The following DPP10 variants were observed in gnomAD, a reference collection of about 807,000 sequenced individuals.
DPP10 encodes inactive dipeptidyl peptidase 10.
DPP10 carries 33 observed loss-of-function variants against 120.9 expected under a neutral mutation model. The ratio of observed to expected loss-of-function variants is 0.27; its 90% CI spans 0.21 to 0.37. The LOEUF is 0.37. Among genes scored for constraint, DPP10 ranks in the 10% least tolerant of loss-of-function variants. The probability of loss-of-function intolerance (pLI) is 1.00; values close to 1 mark genes in which losing one functional copy is unlikely to be tolerated. For missense variants in DPP10, 816 were observed against 942.8 expected, an observed-to-expected ratio of 0.87 and a Z score of 1.76; for synonymous variants, 337 against 326.1, an observed-to-expected ratio of 1.03 and a Z score of -0.36.
At chr2:115,194,801 T>A (rs1328687615) in intron 1 of DPP10, among the ~76,000 whole-genome samples, 1 of 152,176 alleles carries the variant, frequency 6.6e-6, no homozygotes. Flanking sequence ...TGAGTGATGT[T>A]TAACATAACA....
At chr2:115,225,506 TGTGTGC>T (rs1372644691) in intron 1 of DPP10, among the ~76,000 whole-genome samples, 2 of 151,072 alleles carry the variant, frequency 1.3e-5, no homozygotes, top group African/African-American at 4.9e-5. Flanking sequence ...TGTGTGTGTG[TGTGTGC>T]GTGTGTGTGT....
chr2:115,580,961 A>G (rs540653903), intron 5 of DPP10, among the ~76,000 whole-genome samples: 4 of 152,322 alleles, frequency 2.6e-5, no homozygotes, highest in South Asian at 4.1e-4. Flanking sequence ...TTGTTAAGGT[A>G]CGGAAAATGA....
intron 11 of DPP10, among the ~76,000 whole-genome samples, chr2:115,755,844 C>G (rs896813353): frequency 1.3e-5 from 2 of 151,494 alleles, no homozygotes; most frequent in African/African-American, 4.9e-5. Context: ...GTAGAATCAA[C>G]CTAAATGTTC....
chr2:115,755,168 A>AC (rs1429475929), intron 11 of DPP10, among the ~76,000 whole-genome samples: 1 of 152,100 alleles, frequency 6.6e-6, no homozygotes. Context: ...GCATGTTTTT[A>AC]AACTGCATAT....
At chr2:115,215,558 G>T (rs2056769639) in intron 1 of DPP10, among the ~76,000 whole-genome samples, 1 of 151,946 alleles carries the variant, frequency 6.6e-6, no homozygotes, top group South Asian at 2.1e-4. Flanking sequence ...TACATCATTG[G>T]TGGGAATATG....
intron 3 of DPP10, among the ~76,000 whole-genome samples, chr2:115,350,417 A>G (rs768482436): frequency 6.6e-6 from 1 of 152,066 alleles, no homozygotes; most frequent in Non-Finnish European, 1.5e-5. Context: ...TTCAACAGGC[A>G]TTCTGCTGTT....
chr2:114,638,635 G>T (rs1455854881), intron 1 of DPP10, among the ~76,000 whole-genome samples: 1 of 151,824 alleles, frequency 6.6e-6, no homozygotes, highest in Non-Finnish European at 1.5e-5. Context: ...ACAGATGCTG[G>T]TAAGGCTGTG....
intron 19 of DPP10, among the ~76,000 whole-genome samples, chr2:115,813,124 G>GGC (rs1160530332): frequency 6.7e-6 from 1 of 148,542 alleles, no homozygotes; most frequent in East Asian, 1.9e-4. Context: ...TGGGACTACA[G>GGC]GCGCCCGCCA....
chr2:115,796,027 T>A (rs895993391), intron 19 of DPP10, among the ~76,000 whole-genome samples: 7 of 152,150 alleles, frequency 4.6e-5, no homozygotes, highest in African/African-American at 1.7e-4. Flanking sequence ...TCATTCATCA[T>A]TGATTAAAGC....
chr2:115,524,083 C>A (rs571522386), intron 4 of DPP10, among the ~76,000 whole-genome samples: 2 of 152,172 alleles, frequency 1.3e-5, no homozygotes, highest in African/African-American at 4.8e-5. Flanking sequence ...GAATTAATAA[C>A]CTATGTCATT....
chr2:115,346,355 G>C (rs373437586), intron 3 of DPP10, among the ~76,000 whole-genome samples: 2 of 152,098 alleles, frequency 1.3e-5, no homozygotes, highest in African/African-American at 4.8e-5. Context: ...AGCTTATTTG[G>C]AAGCATCATT....
intron 1 of DPP10, among the ~76,000 whole-genome samples, chr2:115,242,445 A>T (rs1039201513): frequency 6.6e-6 from 1 of 152,140 alleles, no homozygotes; most frequent in Non-Finnish European, 1.5e-5. Flanking sequence ...TATTTCTGCA[A>T]TTGCAAATTG....
intron 1 of DPP10, among the ~76,000 whole-genome samples, chr2:115,088,485 G>A (rs1708920401): frequency 6.6e-6 from 1 of 151,532 alleles, no homozygotes; most frequent in Non-Finnish European, 1.5e-5. Context: ...GTCTTGCTGG[G>A]TCACCCAGGC....
intron 1 of DPP10, among the ~76,000 whole-genome samples, chr2:115,222,648 A>G (rs2057234905): frequency 6.6e-6 from 1 of 152,152 alleles, no homozygotes; most frequent in Admixed American, 6.6e-5. Context: ...CAGCATGAAA[A>G]TGGACAAATA....
At chr2:115,077,653 C>A (rs1707911603) in intron 1 of DPP10, among the ~76,000 whole-genome samples, 1 of 152,132 alleles carries the variant, frequency 6.6e-6, no homozygotes, top group Admixed American at 6.5e-5. Flanking sequence ...AGATTTTCAC[C>A]TTTAACTTCT....
intron 1 of DPP10, among the ~76,000 whole-genome samples, chr2:115,238,531 CTT>C (rs2058110330): frequency 6.6e-6 from 1 of 152,050 alleles, no homozygotes; most frequent in African/African-American, 2.4e-5. Flanking sequence ...TCATGAATGA[CTT>C]TGAGTGGCTC....
At chr2:114,763,733 G>C (rs1680475574) in intron 1 of DPP10, among the ~76,000 whole-genome samples, 1 of 152,180 alleles carries the variant, frequency 6.6e-6, no homozygotes, top group South Asian at 2.1e-4. Flanking sequence ...CAATTAGAAT[G>C]GGGGAGGGAG....
chr2:115,143,293 C>A (rs59647710), intron 1 of DPP10, among the ~76,000 whole-genome samples: 2,693 of 152,230 alleles, frequency 0.018, 65 homozygotes, highest in African/African-American at 0.06. Context: ...TAGCCCATGG[C>A]TGGACAGAAA....
intron 1 of DPP10, among the ~76,000 whole-genome samples, chr2:114,444,897 T>C (rs1677853710): frequency 6.6e-6 from 1 of 152,184 alleles, no homozygotes; most frequent in Admixed American, 6.6e-5. Flanking sequence ...GAGTAATTAC[T>C]TGAGTATTTT....
Sources: gnomAD v4.1 joint callset for allele counts (sites outside exome capture counted in the v4.1 genomes callset) on GRCh38, gnomAD v4.1.1 for gene constraint, MANE v1.5 for transcripts, NCBI Gene and HGNC (gene_info 2026-07-23, HGNC 2026-07-21) for gene names.